Variants in RGS6 observed in about 807,000 individuals in gnomAD.
RGS6 encodes regulator of G protein signaling 6.
A neutral mutation model predicts 78.5 loss-of-function variants in RGS6; 30 were observed. That is an observed-to-expected ratio of 0.38 (90% CI 0.29 to 0.52). RGS6 has a LOEUF of 0.52. RGS6 is among the 20% of genes least tolerant of loss of function. The pLI is 0.85. For synonymous variants in RGS6, 206 were observed against 206.0 expected (o/e 1.00, Z 0.00); for missense variants, 495 against 609.7 (o/e 0.81, Z 1.98).
chr14:72,460,552 C>G (rs963873160), intron 6 of RGS6, among the ~76,000 whole-genome samples: 4 of 152,174 alleles, frequency 2.6e-5, no homozygotes, highest in Admixed American at 2.0e-4. Context: ...GGGAGCAGAA[C>G]TTGAACTCAG....
chr14:72,453,446 T>A (rs1283564764), intron 3 of RGS6, among the ~76,000 whole-genome samples: 2 of 148,822 alleles, frequency 1.3e-5, no homozygotes, highest in African/African-American at 5.0e-5. Flanking sequence ...AAACCCCGTC[T>A]CTACTAAAAA....
intron 2 of RGS6, among the ~76,000 whole-genome samples, chr14:72,103,800 T>C (rs1051793613): frequency 1.3e-5 from 2 of 152,170 alleles, no homozygotes; most frequent in South Asian, 2.1e-4. Context: ...ACTTCCACCA[T>C]GTTCCATTGA....
intron 2 of RGS6, among the ~76,000 whole-genome samples, chr14:72,084,676 G>A (rs992388101): frequency 1.3e-5 from 2 of 152,080 alleles, no homozygotes; most frequent in Non-Finnish European, 2.9e-5. Context: ...AGCAATCAAT[G>A]GGAAGTGCAT....
intron 2 of RGS6, chr14:72,022,483 A>G (rs1283126861): frequency 5.3e-5 from 8 of 152,238 alleles, no homozygotes; most frequent in South Asian, 4.1e-4. Context: ...TGACTGAACA[A>G]TCAATGGAGA....
At chr14:72,619,296 C>T in the RGS6 span, 8 of 1,535,972 alleles carry the variant, frequency 5.2e-6, no homozygotes, top group South Asian at 4.8e-5. Flanking sequence ...GACCTGGGGC[C>T]CTAGGCCTGG....
chr14:71,988,504 T>C (rs1016474345), intron 2 of RGS6, among the ~76,000 whole-genome samples: 1 of 152,194 alleles, frequency 6.6e-6, no homozygotes, highest in Non-Finnish European at 1.5e-5. Context: ...TCAGTATCTG[T>C]ATATCAAGTT....
At chr14:72,181,694 T>C (rs557031668) in intron 2 of RGS6, among the ~76,000 whole-genome samples, 3 of 152,326 alleles carry the variant, frequency 2.0e-5, no homozygotes, top group South Asian at 4.1e-4. Flanking sequence ...CTTGATGATA[T>C]GGTAAAATAA....
In RGS6 at chr14:71,954,509, G is replaced by A. The variant is rs1161196542; in HGVS notation, c.-20-10263G>A. 3.9e-5 allele frequency among the ~76,000 whole-genome samples: 6 copies of A among 152,214 alleles called. No individual in the cohort carries two copies. The East Asian group carries it at 1.2e-3, about 29-fold the overall frequency. The stretch of plus-strand genomic sequence containing the variant: ...ACATGAGATATCTTGATACAGGTAT[G>A]CAATGCATAATAACCACATCATGGA... On this transcript the variant is annotated intron_variant, in intron 1 of 17. Transcript: ENST00000553525.
chr14:72,234,941 C>T (rs1254439670), intron 2 of RGS6, among the ~76,000 whole-genome samples: 1 of 152,014 alleles, frequency 6.6e-6, no homozygotes, highest in Non-Finnish European at 1.5e-5. Flanking sequence ...GGAGAGGCAC[C>T]ATATTGTCAG....
intron 2 of RGS6, among the ~76,000 whole-genome samples, chr14:72,320,234 C>T (rs906906137): frequency 6.6e-6 from 1 of 152,140 alleles, no homozygotes; most frequent in African/African-American, 2.4e-5. Context: ...ATAAATAAAA[C>T]GTGTCCAACA....
At chr14:72,469,309 C>T (rs183279770) in intron 7 of RGS6, among the ~76,000 whole-genome samples, 5 of 151,554 alleles carry the variant, frequency 3.3e-5, no homozygotes, top group East Asian at 1.9e-4. Flanking sequence ...CGGGTTCAAG[C>T]GACTCTCCTC....
chr14:72,143,247 T>A (rs1362497289), intron 2 of RGS6, among the ~76,000 whole-genome samples: 2 of 151,752 alleles, frequency 1.3e-5, no homozygotes, highest in Non-Finnish European at 2.9e-5. Context: ...GTGGTGGGCG[T>A]CTGTAATCCC....
chr14:72,343,123 C>T (rs111784063), intron 2 of RGS6, among the ~76,000 whole-genome samples: 31 of 152,230 alleles, frequency 2.0e-4, no homozygotes, highest in Non-Finnish European at 3.4e-4. Flanking sequence ...AATTACCATA[C>T]ACTTAATGGT....
intron 3 of RGS6, among the ~76,000 whole-genome samples, chr14:72,438,728 G>C (rs1230301219): frequency 6.6e-6 from 1 of 152,200 alleles, no homozygotes; most frequent in East Asian, 1.9e-4. Context: ...TTCCAAACTG[G>C]TCTCCTTGCT....
At chr14:71,977,560 A>G (rs1168863697) in intron 2 of RGS6, among the ~76,000 whole-genome samples, 1 of 150,412 alleles carries the variant, frequency 6.6e-6, no homozygotes, top group Non-Finnish European at 1.5e-5. Context: ...TTTGTCAAAG[A>G]TCAGATAGTT....
At chr14:72,474,735 T>C in intron 10 of RGS6, 36 bp downstream of exon 10, 1 of 1,527,016 alleles carries the variant, frequency 6.5e-7, no homozygotes, top group African/African-American at 1.4e-5. Flanking sequence ...ATTCCTGATG[T>C]GAATAGCCCT....
chr14:72,455,155 G>GT (rs1205310434), intron 4 of RGS6, among the ~76,000 whole-genome samples: 1 of 151,878 alleles, frequency 6.6e-6, no homozygotes, highest in Non-Finnish European at 1.5e-5. Context: ...TAGGAAATGG[G>GT]GGGGGTGTTC....
chr14:72,555,869 T>C (rs2097568252), intron 17 of RGS6, among the ~76,000 whole-genome samples: 1 of 152,182 alleles, frequency 6.6e-6, no homozygotes, highest in African/African-American at 2.4e-5. Flanking sequence ...AGGTGGCTGT[T>C]TGTTAGTAAC....
At chr14:72,098,160 T>C (rs1274796407) in intron 2 of RGS6, among the ~76,000 whole-genome samples, 1 of 152,184 alleles carries the variant, frequency 6.6e-6, no homozygotes, top group Admixed American at 6.5e-5. Context: ...ACCCCCTCCA[T>C]GTTTTCCAAA....
Sources: allele counts gnomAD v4.1 joint callset (sites outside exome capture counted in the v4.1 genomes callset), GRCh38; gene constraint gnomAD v4.1.1; transcripts MANE v1.5; gene names NCBI Gene and HGNC (gene_info 2026-07-23, HGNC 2026-07-21).